Variants in RALB observed in about 807,000 individuals in gnomAD.
RALB encodes the protein RAS like proto-oncogene B.
A neutral mutation model predicts 21.3 loss-of-function variants in RALB; 16 were observed. The ratio of observed to expected loss-of-function variants is 0.75; its 90% CI spans 0.51 to 1.14. The LOEUF is 1.14. Ranked by LOEUF, RALB falls within the 50% of genes most tolerant of loss-of-function variation. The probability of loss-of-function intolerance (pLI) is 0.00; values close to 1 mark genes in which losing one functional copy is unlikely to be tolerated. For missense variants in RALB, 161 were observed against 256.2 expected (o/e 0.63, Z 2.54); for synonymous variants, 93 against 96.1 (o/e 0.97, Z 0.19).
intron 1 of RALB, among the ~76,000 whole-genome samples, chr2:120,273,234 G>A (rs1374622196): frequency 6.6e-6 from 1 of 152,172 alleles, no homozygotes; most frequent in South Asian, 2.1e-4. Flanking sequence ...TAGGGAATGG[G>A]TGCTGCTGGT....
chr2:120,246,641 C>T (rs1688974950), intron 1 of RALB, among the ~76,000 whole-genome samples: 1 of 152,254 alleles, frequency 6.6e-6, no homozygotes, highest in Admixed American at 6.5e-5. Context: ...CAGGAGCACC[C>T]CTGGGCCAAG....
At chr2:120,269,335 G>A (rs150489336) in intron 1 of RALB, among the ~76,000 whole-genome samples, 93 of 152,322 alleles carry the variant, frequency 6.1e-4, no homozygotes, top group African/African-American at 2.1e-3. Flanking sequence ...AGGTGGCACA[G>A]GCTGAAAGAG....
chr2:120,247,115 G>A lies in RALB; in HGVS notation c.19+6990G>A, dbSNP rs1001005367. On this transcript the variant is annotated intron_variant, in intron 1 of 3. Transcript: ENST00000447591. Reference sequence around the variant, plus strand: ...TACCAGATCTGCAGCTGTTGTTCCCGTGCAGGTTGTGGGAAGCCCAGAGCA... The same window carrying A: ...TACCAGATCTGCAGCTGTTGTTCCCATGCAGGTTGTGGGAAGCCCAGAGCA... 4.6e-5 allele frequency among the ~76,000 whole-genome samples: 7 copies of A among 152,174 alleles called. No homozygotes were observed. The South Asian group carries it at 6.2e-4, about 14-fold the overall frequency.
intron 1 of RALB, among the ~76,000 whole-genome samples, chr2:120,255,259 G>GT (rs1277939646): frequency 0.019 from 2,844 of 145,852 alleles, 87 homozygotes; most frequent in African/African-American, 0.074. Context: ...CAAGACGCTT[G>GT]GTTTTTTTTT....
intron 1 of RALB, among the ~76,000 whole-genome samples, chr2:120,265,177 G>C (rs1235546387): frequency 6.6e-6 from 1 of 152,188 alleles, no homozygotes; most frequent in Non-Finnish European, 1.5e-5. Flanking sequence ...TTTTGCAAAC[G>C]TCGGGGTATA....
intron 1 of RALB, among the ~76,000 whole-genome samples, chr2:120,275,934 G>T (rs1689781926): frequency 6.6e-6 from 1 of 152,192 alleles, no homozygotes; most frequent in Admixed American, 6.5e-5. Context: ...AAATGCAGGG[G>T]TTTTTACAGA....
chr2:120,263,039 A>AG (rs1343641473), intron 1 of RALB, among the ~76,000 whole-genome samples: 5 of 152,198 alleles, frequency 3.3e-5, no homozygotes, highest in African/African-American at 1.2e-4. Flanking sequence ...CCTCAGGACA[A>AG]GGGGGACTGC....
chr2:120,293,965 A>G lies in RALB; in HGVS notation c.*705A>G. The G allele has an allele frequency of 2.5e-6, 1 of 395,928 alleles. No individual in the cohort carries two copies. 24.5% of individuals were successfully genotyped at this position (395,928 alleles called of 1,614,324 possible). On this transcript the variant is annotated 3_prime_UTR_variant, in exon 5 of 5. Transcript: ENST00000272519. ...TAAGCATCCTGATTTTTCTGTAGGA[A>G]CTTTTCTTTGGCAGACCAAGTGAAG...
chr2:120,292,723 G>A (rs1319499132), intron 4 of RALB, among the ~76,000 whole-genome samples: 3 of 152,100 alleles, frequency 2.0e-5, no homozygotes, highest in Non-Finnish European at 4.4e-5. Flanking sequence ...GAAGGCTGAG[G>A]TGGGCATTGC....
chr2:120,268,215 G>C (rs1573336152), intron 1 of RALB, among the ~76,000 whole-genome samples: 1 of 152,226 alleles, frequency 6.6e-6, no homozygotes, highest in African/African-American at 2.4e-5. Context: ...AAGAGAGACA[G>C]AGCCAGCATG....
At chr2:120,259,790 G>A (rs1056783837) in intron 1 of RALB, among the ~76,000 whole-genome samples, 13 of 152,322 alleles carry the variant, frequency 8.5e-5, no homozygotes, top group Middle Eastern at 3.4e-3. Flanking sequence ...ACTGGGCGCC[G>A]TGGAGCAGGG....
chr2:120,281,576 C>T (rs1689990800), intron 2 of RALB, among the ~76,000 whole-genome samples: 1 of 152,132 alleles, frequency 6.6e-6, no homozygotes, highest in Non-Finnish European at 1.5e-5. Flanking sequence ...GGGTCATGCT[C>T]CCCATGTCTT....
chr2:120,249,642 C>A (rs1260226443), upstream of RALB, among the ~76,000 whole-genome samples: 1 of 152,168 alleles, frequency 6.6e-6, no homozygotes, highest in Non-Finnish European at 1.5e-5. Context: ...CTAAGCCATT[C>A]ATGAGGGATC....
Position 120,244,679 on chromosome 2 carries a change from A to C in RALB, c.19+4554A>C, listed in dbSNP as rs577407452. Among the ~76,000 whole-genome samples the C allele has an allele frequency of 3.9e-5, 6 of 152,328 alleles. 1 individual carries two copies. The East Asian group carries it at 7.7e-4, about 20-fold the overall frequency. Reference sequence around the variant, plus strand: ...ATCCGTCCATGGACAGATACTTGTTAAGACCTACTGTGGGCCAGATGCTGT... The same window carrying C: ...ATCCGTCCATGGACAGATACTTGTTCAGACCTACTGTGGGCCAGATGCTGT... On this transcript the variant is annotated intron_variant, in intron 1 of 3. Coordinates refer to the RALB transcript ENST00000447591.
In RALB at chr2:120,252,939, C is replaced by T. The variant is rs1689091325; in HGVS notation, c.-89C>T. The T allele has an allele frequency of 1.0e-6, 1 of 985,434 alleles. No homozygotes were observed. Among genetic ancestry groups the T allele is most frequent in the Non-Finnish European group, 1.2e-6 (1 of 830,188 alleles). The allele number at this position is 985,434 out of a possible 1,614,324, so 61.0% of individuals were successfully genotyped here. A position where few individuals can be genotyped will look rare whatever the true frequency, so the allele number is the denominator to read the frequency against. On this transcript the variant is annotated 5_prime_UTR_variant, in exon 1 of 5. Transcript: ENST00000272519. ...GGGGGCGGGGCGCGTTTAAGAGCTG[C>T]GGGCCGGGTGCGGACGGCGGAGGCG...
intron 1 of RALB, among the ~76,000 whole-genome samples, chr2:120,277,743 G>T (rs980712645): frequency 3.9e-5 from 6 of 151,986 alleles, no homozygotes; most frequent in Non-Finnish European, 8.8e-5. Context: ...GTGAGCTTGT[G>T]TGTGAATGTG....
Position 120,294,118 on chromosome 2 carries a change from A to C in RALB, c.*858A>C, listed in dbSNP as rs917152591. On this transcript the variant is annotated 3_prime_UTR_variant, in exon 5 of 5. Transcript: ENST00000272519. ...GGCCCCTCCCTCTCCACTAGTGGTGAATGCATGTGTCTGTCTGATCAGCAT... is the reference window on the plus strand; with the variant it reads ...GGCCCCTCCCTCTCCACTAGTGGTGCATGCATGTGTCTGTCTGATCAGCAT... 1 of 398,606 alleles carries C rather than the reference A, an allele frequency of 2.5e-6. No homozygotes were observed. The highest frequency in any genetic ancestry group is 4.4e-6 in the Non-Finnish European group (1 of 226,060). 24.7% of individuals were successfully genotyped at this position (398,606 alleles called of 1,614,324 possible). A position where few individuals can be genotyped will look rare whatever the true frequency, so the allele number is the denominator to read the frequency against.
rs1690366357 is a variant in RALB at position 120,293,961 on chromosome 2, A to G, written c.*701A>G. 5.1e-6 allele frequency: 2 copies of G among 395,544 alleles called. No homozygotes were observed. The highest frequency in any genetic ancestry group is 8.9e-6 in the Non-Finnish European group (2 of 224,690). 24.5% of individuals were successfully genotyped at this position (395,544 alleles called of 1,614,324 possible). On this transcript the variant is annotated 3_prime_UTR_variant, in exon 5 of 5. Transcript: ENST00000272519. ...CCTGTAAGCATCCTGATTTTTCTGTAGGAACTTTTCTTTGGCAGACCAAGT... is the reference window on the plus strand; with the variant it reads ...CCTGTAAGCATCCTGATTTTTCTGTGGGAACTTTTCTTTGGCAGACCAAGT...
intron 2 of RALB, among the ~76,000 whole-genome samples, chr2:120,279,897 G>A (rs914373820): frequency 3.9e-5 from 6 of 152,172 alleles, no homozygotes; most frequent in Non-Finnish European, 7.3e-5. Flanking sequence ...GGGCATTTTC[G>A]GCCTCTAGCT....
Sources: gnomAD v4.1 joint callset for allele counts (sites outside exome capture counted in the v4.1 genomes callset) on GRCh38, gnomAD v4.1.1 for gene constraint, MANE v1.5 for transcripts, NCBI Gene and HGNC (gene_info 2026-07-23, HGNC 2026-07-21) for gene names.